Variants in CHRNA4 observed in about 807,000 individuals in gnomAD.
The protein encoded by CHRNA4 is cholinergic receptor nicotinic alpha 4 subunit.
A neutral mutation model predicts 48.9 loss-of-function variants in CHRNA4; 28 were observed. The observed-to-expected ratio is 0.57, with a 90% CI of 0.42 to 0.79. The LOEUF is 0.79. CHRNA4 is among the 30% of genes least tolerant of loss of function. The pLI, the probability that CHRNA4 is intolerant of heterozygous loss-of-function variation, is 0.00. For missense variants in CHRNA4, 859 were observed against 898.4 expected (o/e 0.96, Z 0.56); for synonymous variants, 425 against 402.3 (o/e 1.06, Z -0.68).
chr20:63,358,878 C>T (rs1198958454), intron 2 of CHRNA4, among the ~76,000 whole-genome samples: 1 of 152,182 alleles, frequency 6.6e-6, no homozygotes, highest in Non-Finnish European at 1.5e-5. Context: ...AACCAAGCAT[C>T]TCAACCGAGC....
At chr20:63,353,502 G>A (rs1293784179) in intron 4 of CHRNA4, among the ~76,000 whole-genome samples, 13 of 117,938 alleles carry the variant, frequency 1.1e-4, no homozygotes, top group African/African-American at 3.5e-4. Context: ...TGGTCCTAGG[G>A]GGGGCTGCGG....
chr20:63,359,817 C>T (rs1264536349), intron 1 of CHRNA4, 118 bp from the exon 2 acceptor site: 3 of 1,186,544 alleles, frequency 2.5e-6, no homozygotes, highest in Non-Finnish European at 3.5e-6. Flanking sequence ...CTTTCAGCTC[C>T]TCACATGAGC....
rs998924085 is a variant in CHRNA4, at chr20:63,349,964, G to A, written c.1447C>T (p.Arg483Trp). ...TACTGGATGCTCCGAGACCGGCACC[G>A]GACGCCGCCTTCCACCGCTTCGCCA... ...SPGEAVEGGVRCRSRSIQYCV... is the reference protein window; with the variant it reads ...SPGEAVEGGVWCRSRSIQYCV... Residue 483 changes from arginine (R) to tryptophan (W), a missense_variant, in exon 5 of 6, where the codon CGG (arginine) becomes TGG (tryptophan). Around this residue, in one of 3 missense-constraint regions of CHRNA4, gnomAD observed 478 missense variants for 455.4 expected, o/e 1.05. Transcript: ENST00000370263. 11 of 1,562,976 alleles carry A rather than the reference G, an allele frequency of 7.0e-6. No individual in the cohort carries two copies. The highest frequency in any genetic ancestry group is 2.3e-5 in the South Asian group (2 of 85,602).
At position 63,359,671 on chromosome 20, in the gene CHRNA4, G is replaced by T; in HGVS notation, c.105C>A (p.His35Gln). The T allele has an allele frequency of 6.2e-7, 1 of 1,611,596 alleles. No individual in the cohort carries two copies. Among genetic ancestry groups the T allele is most frequent in the Non-Finnish European group, 8.5e-7 (1 of 1,179,894 alleles). ...RASSHVETRAHAEERLLKKLF... is the reference protein window; with the variant it reads ...RASSHVETRAQAEERLLKKLF... ...GTTTCTTCAGGAGCCGCTCCTCGGC[G>T]TGGGCCCGGGTCTCCACATGGCTGC... Residue 35 changes from histidine to glutamine, a missense_variant, in exon 2 of 6, where the codon CAC becomes CAA. This residue lies in a region of CHRNA4 where 342 missense variants were observed against 365.3 expected (regional missense o/e 0.94). Transcript: ENST00000370263.
intron 5 of CHRNA4, among the ~76,000 whole-genome samples, chr20:63,348,369 G>A (rs941058572): frequency 6.6e-6 from 1 of 152,228 alleles, no homozygotes; most frequent in African/African-American, 2.4e-5. Context: ...GGCTGCTCTC[G>A]TGACCCCAGA....
intron 4 of CHRNA4, among the ~76,000 whole-genome samples, chr20:63,354,980 G>A (rs1028883972): frequency 2.6e-5 from 4 of 152,208 alleles, no homozygotes; most frequent in African/African-American, 9.6e-5. Context: ...AATTGAGTTG[G>A]AAGAGGAGCC....
rs1219404169 is a variant in CHRNA4 at position 63,343,632 on chromosome 20, G to T, written c.*3106C>A. 1 of 452,194 alleles carries T rather than the reference G, an allele frequency of 2.2e-6. No homozygotes were observed. The allele number at this position is 452,194 out of a possible 1,614,324, so 28.0% of individuals were successfully genotyped here. On this transcript the variant is annotated 3_prime_UTR_variant, in exon 6 of 6. Transcript: ENST00000370263. ...AGGAGGGCCACGTCGCCCCAGGCCG[G>T]GCCACACGGGAAGCACCCAGGCCGG...
chr20:63,346,912 G>T (rs113592412), intron 5 of CHRNA4, 49 bp from the exon 6 acceptor site: 1 of 1,610,080 alleles, frequency 6.2e-7, no homozygotes, highest in African/African-American at 1.3e-5. Flanking sequence ...CGCCGCCAGC[G>T]GGGACAGCCC....
At chr20:63,353,961 C>CCTGGGGGGTCTGT (rs2068670253) in intron 4 of CHRNA4, among the ~76,000 whole-genome samples, 1 of 4,328 alleles carries the variant, frequency 2.3e-4, no homozygotes, top group Non-Finnish European at 4.3e-4. Context: ...GGGGGGGCTG[C>CCTGGGGGGTCTGT]GGTCCTGGGA....
At position 63,343,533 on chromosome 20, in the gene CHRNA4, C is replaced by T. The variant is rs1459421417; in HGVS notation, c.*3205G>A. 2.0e-5 allele frequency: 9 copies of T among 454,036 alleles called. No individual in the cohort carries two copies. Among genetic ancestry groups the T allele is most frequent in the South Asian group, 4.7e-5 (3 of 64,488 alleles). 28.1% of individuals were successfully genotyped at this position (454,036 alleles called of 1,614,324 possible). ...TGCGTGCCCTAGAGTGTCCTGGGCC[C>T]GGCCTTAACTTACAAGGGAGCCTGA... is the stretch of plus-strand genomic sequence containing the variant. On this transcript the variant is annotated 3_prime_UTR_variant, in exon 6 of 6. Transcript: ENST00000370263.
intron 1 of CHRNA4, chr20:63,359,903 G>GCGC (rs2068784799): frequency 2.5e-6 from 1 of 402,782 alleles, no homozygotes; most frequent in Admixed American, 3.8e-5. Context: ...TGTGCTGTGT[G>GCGC]TGTGTGTGTG....
chr20:63,351,506 G>A (rs901106758), intron 4 of CHRNA4, among the ~76,000 whole-genome samples: 13 of 152,146 alleles, frequency 8.5e-5, no homozygotes, highest in African/African-American at 2.9e-4. Context: ...CACCTCCTGG[G>A]ACACACGGCA....
Position 63,345,893 on chromosome 20 carries a change from C to G in CHRNA4, c.*845G>C, listed in dbSNP as rs1311666099. On this transcript the variant is annotated 3_prime_UTR_variant, in exon 6 of 6. Transcript: ENST00000370263. The surrounding 1 kb of genome is among the most constrained non-coding windows in gnomAD (Gnocchi z 5.4). Reference sequence around the variant, plus strand: ...CCGGGGAATCACAACACAGAAGTACCCCAGGGGCTGAAGCCACTAGGCCCC... The same window carrying G: ...CCGGGGAATCACAACACAGAAGTACGCCAGGGGCTGAAGCCACTAGGCCCC... The G allele has an allele frequency of 2.2e-6, 1 of 453,658 alleles. No individual in the cohort carries two copies. Among genetic ancestry groups the G allele is most frequent in the Admixed American group, 2.3e-5 (1 of 42,556 alleles). The allele number at this position is 453,658 out of a possible 1,614,324, so 28.1% of individuals were successfully genotyped here. A position where few individuals can be genotyped will look rare whatever the true frequency, so the allele number is the denominator to read the frequency against.
chr20:63,360,946 G>A (rs1026125233), intron 1 of CHRNA4, 144 bp downstream of exon 1: 2 of 632,708 alleles, frequency 3.2e-6, no homozygotes, highest in Non-Finnish European at 4.7e-6. Context: ...CTGTGCGGCT[G>A]GGGATGGGGA....
rs45462695 is a variant in CHRNA4, at chr20:63,355,696, C to G, written c.383+279G>C. The stretch of plus-strand genomic sequence containing the variant: ...ACTGTGTCCAGGTGCCATAGCCACT[C>G]TCAGGCCCCTCCGGCTCTGACGCTC... On this transcript the variant is annotated intron_variant, in intron 4 of 5. Transcript: ENST00000370263. 2,349 of 903,974 alleles carry G rather than the reference C, an allele frequency of 2.6e-3. 47 individuals carry two copies. In the African/African-American group the frequency reaches 0.035, roughly 14 times the overall value. The allele number at this position is 903,974 out of a possible 1,614,324, so 56.0% of individuals were successfully genotyped here.
intron 5 of CHRNA4, among the ~76,000 whole-genome samples, chr20:63,347,754 G>C (rs555181301): frequency 1.3e-5 from 2 of 152,344 alleles, no homozygotes; most frequent in South Asian, 4.1e-4. Context: ...GCCCGGCCGT[G>C]AGGGTGTCCT....
chr20:63,352,828 TC>T (rs1238810931), intron 4 of CHRNA4, among the ~76,000 whole-genome samples: 5 of 151,764 alleles, frequency 3.3e-5, no homozygotes, highest in South Asian at 4.2e-4. Flanking sequence ...CAGGGCCAGG[TC>T]CCCCAGCCCC....
At position 63,349,817 on chromosome 20, in the gene CHRNA4, T is replaced by C; in HGVS notation, c.1594A>G (p.Thr532Ala). 2 of 1,603,226 alleles carry C rather than the reference T, an allele frequency of 1.2e-6. No homozygotes were observed. Among genetic ancestry groups the C allele is most frequent in the African/African-American group, 1.3e-5 (1 of 74,760 alleles). The part of the protein sequence containing the change: ...PPDQPSPCKC[T>A]CKKEPSSVSP... ...ACCGAAGAGGGCTCCTTCTTGCATG[T>C]GCATTTGCACGGAGAGGGCTGGTCT... The change falls in exon 5 of 6, where the codon ACA (threonine) becomes GCA (alanine). Residue 532 changes from threonine to alanine, a missense_variant. Physicochemically the swap from Thr to Ala is moderately conservative, Grantham distance 58 (BLOSUM62 0). Coordinates refer to ENST00000370263, the MANE Select transcript of CHRNA4 (RefSeq NM_000744.7).
chr20:63,350,638 G>A lies in CHRNA4; in HGVS notation c.773C>T (p.Ser258Phe), dbSNP rs1306570893. Reference protein sequence around the residue: ...INLIIPCLLISCLTVLVFYLP... With the variant: ...INLIIPCLLIFCLTVLVFYLP... ...GTAGAAGACCAGCACGGTGAGGCAG[G>A]AGATGAGCAGGCAGGGGATGATGAG... Residue 258 changes from serine (S) to phenylalanine (F), a missense_variant, in exon 5 of 6, where the codon TCC becomes TTC. Transcript: ENST00000370263. 4 of 1,614,070 alleles carry A rather than the reference G, an allele frequency of 2.5e-6. No individual in the cohort carries two copies. The highest frequency in any genetic ancestry group is 3.4e-6 in the Non-Finnish European group (4 of 1,180,028).
Sources: allele counts gnomAD v4.1 joint callset (sites outside exome capture counted in the v4.1 genomes callset), GRCh38; gene constraint gnomAD v4.1.1; regional missense constraint gnomAD v4.1.1; non-coding constraint Gnocchi (gnomAD v3.1); transcripts MANE v1.5; gene names NCBI Gene and HGNC (gene_info 2026-07-23, HGNC 2026-07-21).